Variants in CLK4 observed in about 807,000 individuals in gnomAD.
The protein encoded by CLK4 is dual specificity protein kinase CLK4.
CLK4 carries 37 observed loss-of-function variants against 64.4 expected under a neutral mutation model. The ratio of observed to expected loss-of-function variants is 0.57; its 90% CI spans 0.44 to 0.76. CLK4 has a LOEUF of 0.76. CLK4 is among the 30% of genes least tolerant of loss of function. The probability of loss-of-function intolerance (pLI) is 0.00; values close to 1 mark genes in which losing one functional copy is unlikely to be tolerated. For missense variants in CLK4, 457 were observed against 605.1 expected, an observed-to-expected ratio of 0.76 and a Z score of 2.57; for synonymous variants, 175 against 191.6, an observed-to-expected ratio of 0.91 and a Z score of 0.72.
At chr5:178,619,837 C>G (rs1180008779) in intron 2 of CLK4, 1 of 1,277,736 alleles carries the variant, frequency 7.8e-7, no homozygotes, top group Non-Finnish European at 1.0e-6. Context: ...CCCCTCTCTA[C>G]CTGGGATGAG....
chr5:178,625,548 T>TC (rs1439387258), intron 1 of CLK4, among the ~76,000 whole-genome samples: 1 of 152,172 alleles, frequency 6.6e-6, no homozygotes, highest in Non-Finnish European at 1.5e-5. Flanking sequence ...CATTTTTAAA[T>TC]CATAGCAAGC....
At chr5:178,624,559 C>A (rs1421760586) in intron 1 of CLK4, among the ~76,000 whole-genome samples, 1 of 152,150 alleles carries the variant, frequency 6.6e-6, no homozygotes, top group African/African-American at 2.4e-5. Context: ...TCAGCATCTG[C>A]GCTCAAACAA....
In CLK4 at chr5:178,613,456, T is replaced by G. The variant is rs1356652568; in HGVS notation, c.826+17A>C. On this transcript the variant is annotated intron_variant, in intron 7 of 12. Coordinates refer to ENST00000316308, the MANE Select transcript of CLK4 (RefSeq NM_020666.3). The stretch of plus-strand genomic sequence containing the variant: ...TAAATAAATAAATAAAAATAAAGAT[T>G]TATCAAGTGTACTTACAATTTATTG... 2 of 1,433,600 alleles carry G rather than the reference T, an allele frequency of 1.4e-6. No homozygotes were observed. Among genetic ancestry groups the G allele is most frequent in the Non-Finnish European group, 1.8e-6 (2 of 1,082,450 alleles). The allele number at this position is 1,433,600 out of a possible 1,614,324, so 88.8% of individuals were successfully genotyped here.
Position 178,605,271 on chromosome 5 carries a change from A to C in CLK4, c.1214+32T>G, listed in dbSNP as rs901545511. On this transcript the variant is annotated intron_variant, in intron 11 of 12. Coordinates refer to ENST00000316308, the MANE Select transcript of CLK4 (RefSeq NM_020666.3). ...AGTTTGAATATATGCTATTGCACAT[A>C]TCCAACAAAAGTCTTGAATCTTAAA... The C allele has an allele frequency of 6.6e-6, 9 of 1,369,960 alleles. No individual in the cohort carries two copies. In the African/African-American group the frequency reaches 1.2e-4, roughly 18 times the overall value. 84.9% of individuals were successfully genotyped at this position (1,369,960 alleles called of 1,614,324 possible).
At chr5:178,608,227 T>C in intron 10 of CLK4, 149 bp downstream of exon 10, 1 of 580,598 alleles carries the variant, frequency 1.7e-6, no homozygotes, top group South Asian at 2.3e-5. Flanking sequence ...CATTCAACTG[T>C]GGTTTTAAAG....
At chr5:178,622,059 GT>G (rs1764714820) in intron 2 of CLK4, 2 of 152,116 alleles carry the variant, frequency 1.3e-5, no homozygotes, top group African/African-American at 4.8e-5. Context: ...TCAGTATCAT[GT>G]TTACGTAGTT....
chr5:178,613,036 G>T, intron 7 of CLK4, 146 bp from the exon 8 acceptor site: 1 of 498,900 alleles, frequency 2.0e-6, no homozygotes, highest in Non-Finnish European at 3.6e-6. Flanking sequence ...GACAACATTT[G>T]GATATATAGC....
intron 12 of CLK4, 36 bp downstream of exon 12, chr5:178,603,808 C>T (rs889937976): frequency 4.4e-6 from 7 of 1,585,766 alleles, no homozygotes; most frequent in African/African-American, 1.4e-5. Flanking sequence ...AGTGCAAACA[C>T]GTGGTTTATT....
chr5:178,608,902 A>G (rs1764504338), intron 9 of CLK4, among the ~76,000 whole-genome samples: 1 of 152,222 alleles, frequency 6.6e-6, no homozygotes, highest in Non-Finnish European at 1.5e-5. Flanking sequence ...ATCAATTATC[A>G]TCAGCTTGAT....
intron 9 of CLK4, among the ~76,000 whole-genome samples, chr5:178,608,888 C>T (rs1257739739): frequency 6.6e-6 from 1 of 152,114 alleles, no homozygotes; most frequent in Non-Finnish European, 1.5e-5. Flanking sequence ...ATTACTAATG[C>T]CTTATCAATT....
At chr5:178,624,374 T>C (rs13181921) in intron 1 of CLK4, among the ~76,000 whole-genome samples, 37,681 of 152,152 alleles carry the variant, frequency 0.25, 5,712 homozygotes, top group East Asian at 0.32. Context: ...CATTTTCTTA[T>C]CCAGCAGTTA....
intron 2 of CLK4, chr5:178,622,312 C>T: frequency 2.3e-6 from 1 of 429,778 alleles, no homozygotes; most frequent in Non-Finnish European, 3.1e-6. Flanking sequence ...GCGTATGAAG[C>T]ATGATTTGTC....
intron 9 of CLK4, among the ~76,000 whole-genome samples, chr5:178,610,022 G>A (rs1764534356): frequency 6.6e-6 from 1 of 152,124 alleles, no homozygotes; most frequent in African/African-American, 2.4e-5. Context: ...CAGGCACGGT[G>A]GCTCACACCT....
Position 178,612,402 on chromosome 5 carries a change from T to C in CLK4, c.1051+14A>G. On this transcript the variant is annotated intron_variant, in intron 9 of 12. Transcript: ENST00000316308. ...TCTTCAATTATAATATTAGAAAGCC[T>C]GGTGTCTACTGACCCAAAATGACCT... 1.3e-6 allele frequency: 2 copies of C among 1,579,558 alleles called. No individual in the cohort carries two copies. The highest frequency in any genetic ancestry group is 1.4e-5 in the African/African-American group (1 of 73,578).
intron 10 of CLK4, chr5:178,605,959 G>A (rs912227624): frequency 2.0e-5 from 3 of 152,188 alleles, no homozygotes; most frequent in African/African-American, 7.2e-5. Flanking sequence ...ACAGGCACCA[G>A]GCAGGATTTC....
Position 178,612,564 on chromosome 5 carries a change from G to A in CLK4, c.922-19C>T, listed in dbSNP as rs1221369923. On this transcript the variant is annotated intron_variant, in intron 8 of 12. Transcript: ENST00000316308. ...CACGTTTCTAGAGAGACACAGTTGA[G>A]TAAACATGAAACTCAATAGATACAT... The A allele has an allele frequency of 6.2e-7, 1 of 1,611,212 alleles. No individual in the cohort carries two copies. Among genetic ancestry groups the A allele is most frequent in the Non-Finnish European group, 8.5e-7 (1 of 1,178,244 alleles).
At chr5:178,608,907 C>T (rs1764504440) in intron 9 of CLK4, among the ~76,000 whole-genome samples, 1 of 152,148 alleles carries the variant, frequency 6.6e-6, no homozygotes, top group Non-Finnish European at 1.5e-5. Flanking sequence ...TTATCATCAG[C>T]TTGATGCATG....
intron 1 of CLK4, among the ~76,000 whole-genome samples, chr5:178,626,690 C>G (rs997471972): frequency 1.4e-5 from 2 of 146,378 alleles, no homozygotes; most frequent in Non-Finnish European, 3.0e-5. Context: ...CGCCAGGCAG[C>G]AGGGGACCGC....
At chr5:178,620,684 T>TA (rs759299338) in intron 2 of CLK4, 1,205 of 356,256 alleles carry the variant, frequency 3.4e-3, no homozygotes, top group South Asian at 4.8e-3. Context: ...CTGTGGGAGA[T>TA]AAAAAAAAAA....
Sources: gnomAD v4.1 joint callset for allele counts (sites outside exome capture counted in the v4.1 genomes callset) on GRCh38, gnomAD v4.1.1 for gene constraint, MANE v1.5 for transcripts, NCBI Gene and HGNC (gene_info 2026-07-23, HGNC 2026-07-21) for gene names.